Variants in HIF3A observed in about 807,000 individuals in gnomAD.
The protein encoded by HIF3A is hypoxia inducible factor 3 subunit alpha, also known as hypoxia-inducible factor 3-alpha.
Under a neutral mutation model 67.2 loss-of-function variants are expected in HIF3A, and 41 were observed. The ratio of observed to expected loss-of-function variants is 0.61; its 90% CI spans 0.48 to 0.79. The LOEUF is 0.79. HIF3A is among the 30% of genes least tolerant of loss of function. The probability of loss-of-function intolerance (pLI) is 0.00; values close to 1 mark genes in which losing one functional copy is unlikely to be tolerated. For synonymous variants in HIF3A, 356 were observed against 374.8 expected, an observed-to-expected ratio of 0.95 and a Z score of 0.58; for missense variants, 855 against 898.0, an observed-to-expected ratio of 0.95 and a Z score of 0.61.
At chr19:46,303,697 G>T (rs373865297) in intron 1 of HIF3A, 42 of 1,577,640 alleles carry the variant, frequency 2.7e-5, no homozygotes, top group Non-Finnish European at 3.5e-5. Context: ...GGTAAAATCA[G>T]GGCTAGGAAG....
Position 46,309,309 on chromosome 19 carries a change from C to A in HIF3A, c.720C>A (p.Ala240=). The change falls in exon 6 of 15, where the codon GCC becomes GCA. Residue 240 remains alanine, a synonymous_variant. Transcript: ENST00000377670. ...GSLEPPLGRG[A]FLSRHSLDMK... is the part of the protein sequence containing the mutation. ...TGGAGCCCCCACTGGGCCGAGGGGC[C>A]TTCCTCAGCCGCCACAGCCTGGACA... 6.2e-7 allele frequency: 1 copy of A among 1,612,836 alleles called. No homozygotes were observed. The highest frequency in any genetic ancestry group is 8.5e-7 in the Non-Finnish European group (1 of 1,179,624).
At chr19:46,309,472 T>A in intron 6 of HIF3A, 113 bp downstream of exon 6, 1 of 588,832 alleles carries the variant, frequency 1.7e-6, no homozygotes, top group Non-Finnish European at 2.9e-6. Context: ...ACTTCATCCA[T>A]CTCTCTCTCT....
At chr19:46,327,754 G>C (rs1000929955) in intron 11 of HIF3A, among the ~76,000 whole-genome samples, 10 of 152,270 alleles carry the variant, frequency 6.6e-5, no homozygotes, top group South Asian at 2.1e-4. Flanking sequence ...TAATTTGCTA[G>C]AAGTGTTCAT....
At chr19:46,299,707 C>T (rs1488707806) in intron 1 of HIF3A, among the ~76,000 whole-genome samples, 4 of 36,800 alleles carry the variant, frequency 1.1e-4, no homozygotes, top group Middle Eastern at 0.014. Context: ...CGGACCTTGT[C>T]GCAAAAAAAA....
chr19:46,317,305 T>G (rs1233730186), intron 8 of HIF3A, among the ~76,000 whole-genome samples: 1 of 152,156 alleles, frequency 6.6e-6, no homozygotes, highest in Non-Finnish European at 1.5e-5. Flanking sequence ...CCCTCCCGCC[T>G]CAGCCTCCCA....
At chr19:46,322,357 C>T (rs1024478826) in intron 10 of HIF3A, among the ~76,000 whole-genome samples, 1 of 152,138 alleles carries the variant, frequency 6.6e-6, no homozygotes, top group African/African-American at 2.4e-5. Flanking sequence ...TGTCAGATTT[C>T]ACAGGTTGGG....
chr19:46,298,335 T>C (rs747206589), intron 1 of HIF3A: 147 of 1,262,522 alleles, frequency 1.2e-4, no homozygotes, highest in Non-Finnish European at 1.4e-4. Context: ...CCTGGCTGGG[T>C]GGGGGCCCCT....
intron 8 of HIF3A, among the ~76,000 whole-genome samples, chr19:46,316,774 GC>G: frequency 6.8e-6 from 1 of 146,896 alleles, no homozygotes; most frequent in East Asian, 2.0e-4. Flanking sequence ...CTGCACTCCA[GC>G]CTGGGCGACA....
intron 13 of HIF3A, among the ~76,000 whole-genome samples, chr19:46,333,776 T>TTTTCTTTC (rs1228404002): frequency 6.9e-6 from 1 of 145,664 alleles, no homozygotes; most frequent in African/African-American, 2.6e-5. Flanking sequence ...CTTTCCTTTC[T>TTTTCTTTC]TTTCTTTCTT....
chr19:46,298,323 C>G, intron 1 of HIF3A: 1 of 1,195,642 alleles, frequency 8.4e-7, no homozygotes. Flanking sequence ...TCAGCGCCCC[C>G]TCCTGGCTGG....
intron 2 of HIF3A, 28 bp from the exon 3 acceptor site, chr19:46,305,217 G>T: frequency 6.2e-7 from 1 of 1,613,434 alleles, no homozygotes; most frequent in Non-Finnish European, 8.5e-7. Flanking sequence ...GACTAGAGAT[G>T]CCCCCATCCC....
At chr19:46,321,752 TC>T in intron 9 of HIF3A, 23 bp from the exon 10 acceptor site, 1 of 1,605,774 alleles carries the variant, frequency 6.2e-7, no homozygotes, top group Non-Finnish European at 8.5e-7. Flanking sequence ...GCCCGTGTCC[TC>T]CCCATCTCCA....
intron 1 of HIF3A, chr19:46,298,305 C>G: frequency 1.1e-6 from 1 of 925,130 alleles, no homozygotes; most frequent in South Asian, 1.4e-5. Flanking sequence ...GCTGTCGTTC[C>G]GCCCCTCTCA....
In HIF3A at chr19:46,323,153, C is replaced by T. The variant is rs1055545563; in HGVS notation, c.1335+1187C>T. On this transcript the variant is annotated intron_variant, in intron 10 of 14. Transcript: ENST00000377670. ...ACAACCTGCGCCTCCTGGATTCAAG[C>T]AATGCTCCTGCCTCAGCCTCCCAAG... Among the ~76,000 whole-genome samples the T allele has an allele frequency of 5.3e-5, 8 of 151,850 alleles. 1 individual carries two copies. Among genetic ancestry groups the T allele is most frequent in the African/African-American group, 1.9e-4 (8 of 41,308 alleles).
chr19:46,307,950 A>G (rs1053945976), intron 3 of HIF3A, among the ~76,000 whole-genome samples: 3 of 151,022 alleles, frequency 2.0e-5, no homozygotes, highest in African/African-American at 7.3e-5. Context: ...AGATAGATAG[A>G]CAGATAGGTA....
At chr19:46,327,240 C>T (rs1350508854) in intron 11 of HIF3A, among the ~76,000 whole-genome samples, 1 of 151,768 alleles carries the variant, frequency 6.6e-6, no homozygotes, top group Non-Finnish European at 1.5e-5. Context: ...TCCCAAAGTG[C>T]TGGGATTAGA....
intron 10 of HIF3A, among the ~76,000 whole-genome samples, chr19:46,322,840 T>A (rs576741594): frequency 6.6e-6 from 1 of 152,264 alleles, no homozygotes. Context: ...CGGATACGGA[T>A]GAAGGGATAC....
At position 46,329,483 on chromosome 19, in the gene HIF3A, G is replaced by A. The variant is rs1473553350; in HGVS notation, c.1712+5G>A. On this transcript the variant is annotated splice_donor_5th_base_variant and intron_variant, in intron 12 of 14. Coordinates refer to ENST00000377670, the MANE Select transcript of HIF3A (RefSeq NM_152795.4). Reference sequence around the variant, plus strand: ...CATGGCTGGGGCTCGGAAGAGGTGAGCCACAGTAAAGGGGGGACATCAAGG... The same window carrying A: ...CATGGCTGGGGCTCGGAAGAGGTGAACCACAGTAAAGGGGGGACATCAAGG... The A allele has an allele frequency of 1.3e-6, 2 of 1,508,382 alleles. No homozygotes were observed. The highest frequency in any genetic ancestry group is 2.2e-5 in the Admixed American group (1 of 44,696). 93.4% of individuals were successfully genotyped at this position (1,508,382 alleles called of 1,614,324 possible).
At chr19:46,336,040 CTATT>C (rs1971584303) in intron 14 of HIF3A, among the ~76,000 whole-genome samples, 1 of 144,288 alleles carries the variant, frequency 6.9e-6, no homozygotes, top group East Asian at 2.1e-4. Flanking sequence ...GATCCTGTCT[CTATT>C]TATTTATTTT....
Sources: gnomAD v4.1 joint callset for allele counts (sites outside exome capture counted in the v4.1 genomes callset) on GRCh38, gnomAD v4.1.1 for gene constraint, MANE v1.5 for transcripts, NCBI Gene and HGNC (gene_info 2026-07-23, HGNC 2026-07-21) for gene names.